Variants in LRRC63 observed in about 807,000 individuals in gnomAD.
The protein encoded by LRRC63 is leucine rich repeat containing 63.
Under a neutral mutation model 49.5 loss-of-function variants are expected in LRRC63, and 40 were observed. That is an observed-to-expected ratio of 0.81 (90% confidence interval 0.63 to 1.05). The LOEUF is 1.05. Ranked by LOEUF, LRRC63 falls within the 50% of genes least tolerant of loss-of-function variation. LRRC63 has a pLI of 0.00. For synonymous variants in LRRC63, 191 were observed against 221.1 expected, an observed-to-expected ratio of 0.86 and a Z score of 1.21; for missense variants, 636 against 663.1, an observed-to-expected ratio of 0.96 and a Z score of 0.45.
chr13:46,262,476 CT>C (rs2047628816), intron 8 of LRRC63, among the ~76,000 whole-genome samples: 1 of 152,044 alleles, frequency 6.6e-6, no homozygotes, highest in Non-Finnish European at 1.5e-5. Context: ...CAGTAATAGT[CT>C]CTTAACTATT....
chr13:46,249,763 A>G, intron 6 of LRRC63, among the ~76,000 whole-genome samples: 1 of 152,090 alleles, frequency 6.6e-6, no homozygotes, highest in East Asian at 1.9e-4. Context: ...AAAGAGAACT[A>G]ATATAAGACC....
chr13:46,227,601 G>A, exon 3 of LRRC63: 1 of 1,549,832 alleles, frequency 6.5e-7, no homozygotes, highest in Non-Finnish European at 8.7e-7. Context: ...TTTTCCTGAT[G>A]TTTTAAGAAA....
At chr13:46,257,690 G>A (rs1249323080) in intron 7 of LRRC63, among the ~76,000 whole-genome samples, 2 of 152,082 alleles carry the variant, frequency 1.3e-5, no homozygotes, top group Admixed American at 6.5e-5. Context: ...AGCAGTTCAA[G>A]TCTAATTTAA....
intron 4 of LRRC63, among the ~76,000 whole-genome samples, chr13:46,233,145 C>T (rs972961225): frequency 6.6e-6 from 1 of 152,110 alleles, no homozygotes. Flanking sequence ...TAGTTTCCTC[C>T]TTAGAAAATT....
rs757786619 is a variant in LRRC63 at position 46,276,840 on chromosome 13, ATATATATATATT to A, written c.*49_*60del. 360 of 150,588 alleles carry A rather than the reference ATATATATATATT, an allele frequency of 2.4e-3. 3 individuals carry two copies. Among genetic ancestry groups the A allele is most frequent in the African/African-American group, 0.01 (330 of 32,668 alleles). 9.3% of individuals were successfully genotyped at this position (150,588 alleles called of 1,614,324 possible). A position where few individuals can be genotyped will look rare whatever the true frequency, so the allele number is the denominator to read the frequency against. Reference sequence around the variant, plus strand: ...ATCGTATGTGTGTGTATATATATATATATATATATATTTATATATATATATATTTATATATAT... The same window carrying A: ...ATCGTATGTGTGTGTATATATATATATATATATATATATATTTATATATAT... On this transcript the variant is annotated 3_prime_UTR_variant, in exon 10 of 10. Coordinates refer to ENST00000595396, the Ensembl canonical transcript of LRRC63.
intron 4 of LRRC63, among the ~76,000 whole-genome samples, chr13:46,228,992 T>A (rs539607344): frequency 6.6e-6 from 1 of 152,144 alleles, no homozygotes; most frequent in African/African-American, 2.4e-5. Context: ...CATACAGAAA[T>A]ATGAATTAAC....
At chr13:46,215,742 G>A (rs891438747) in intron 2 of LRRC63, among the ~76,000 whole-genome samples, 1 of 152,068 alleles carries the variant, frequency 6.6e-6, no homozygotes, top group Admixed American at 6.5e-5. Flanking sequence ...GGGTTTTTAT[G>A]GTTTTAGGTC....
intron 9 of LRRC63, among the ~76,000 whole-genome samples, chr13:46,273,009 T>G (rs2047780960): frequency 1.3e-5 from 2 of 152,298 alleles, no homozygotes; most frequent in East Asian, 3.8e-4. Context: ...AATCTCTGTG[T>G]TTTTCTCTCT....
At chr13:46,270,255 GA>G (rs2138591182) in intron 9 of LRRC63, 4 of 891,770 alleles carry the variant, frequency 4.5e-6, no homozygotes, top group East Asian at 2.4e-5. Flanking sequence ...CTTCAGAGTG[GA>G]AAAACAATTA....
intron 7 of LRRC63, among the ~76,000 whole-genome samples, chr13:46,258,599 G>A (rs2047559748): frequency 6.6e-6 from 1 of 150,648 alleles, no homozygotes; most frequent in African/African-American, 2.4e-5. Flanking sequence ...CACGAGGTCA[G>A]GAGATCGAGA....
intron 8 of LRRC63, among the ~76,000 whole-genome samples, chr13:46,266,388 A>G (rs1247624612): frequency 6.6e-6 from 1 of 152,186 alleles, no homozygotes; most frequent in Non-Finnish European, 1.5e-5. Flanking sequence ...TTTGTCTATG[A>G]AAATATATTC....
chr13:46,216,241 A>G (rs2046247923), intron 2 of LRRC63, among the ~76,000 whole-genome samples: 2 of 152,224 alleles, frequency 1.3e-5, no homozygotes, highest in South Asian at 4.1e-4. Context: ...GATTCTTCCT[A>G]TCCATGAGCA....
At chr13:46,234,490 T>C (rs542966540) in intron 5 of LRRC63, 141 bp downstream of exon 5, 182 of 786,944 alleles carry the variant, frequency 2.3e-4, no homozygotes, top group Non-Finnish European at 3.4e-4. Context: ...CACATTCAAA[T>C]TGCATCTCTA....
At chr13:46,251,230 AT>A (rs985778915) in intron 7 of LRRC63, among the ~76,000 whole-genome samples, 2 of 151,876 alleles carry the variant, frequency 1.3e-5, no homozygotes, top group African/African-American at 4.8e-5. Flanking sequence ...ATTTATAAAG[AT>A]GTTCATTCAG....
At chr13:46,230,007 T>G (rs1214817977) in intron 4 of LRRC63, among the ~76,000 whole-genome samples, 2 of 151,912 alleles carry the variant, frequency 1.3e-5, no homozygotes, top group African/African-American at 4.8e-5. Context: ...AACAGCCAGA[T>G]CTTATAAGAA....
chr13:46,240,715 A>G (rs1456805687), intron 5 of LRRC63, among the ~76,000 whole-genome samples: 2 of 152,172 alleles, frequency 1.3e-5, no homozygotes, highest in African/African-American at 4.8e-5. Context: ...CAAATCAGGA[A>G]CACAGTCCCA....
At chr13:46,215,106 A>G (rs536757969) in intron 2 of LRRC63, among the ~76,000 whole-genome samples, 2 of 152,334 alleles carry the variant, frequency 1.3e-5, no homozygotes, top group Admixed American at 1.3e-4. Flanking sequence ...AGAATGATTT[A>G]TGTTCCTTTG....
chr13:46,272,973 A>G (rs1159033100), intron 9 of LRRC63, among the ~76,000 whole-genome samples: 1 of 152,206 alleles, frequency 6.6e-6, no homozygotes, highest in Non-Finnish European at 1.5e-5. Flanking sequence ...GAGGAGTTCC[A>G]GTGATTGAAG....
intron 2 of LRRC63, among the ~76,000 whole-genome samples, chr13:46,224,156 C>A (rs898368687): frequency 2.0e-5 from 3 of 152,152 alleles, no homozygotes; most frequent in African/African-American, 7.2e-5. Flanking sequence ...TTTTATAGTC[C>A]TTCCTTTGTC....
Sources: gnomAD v4.1 joint callset for allele counts (sites outside exome capture counted in the v4.1 genomes callset) on GRCh38, gnomAD v4.1.1 for gene constraint, MANE v1.5 for transcripts, NCBI Gene and HGNC (gene_info 2026-07-23, HGNC 2026-07-21) for gene names.